Variants in ZNF385B observed in about 807,000 individuals in gnomAD.
The protein encoded by ZNF385B is zinc finger protein 533.
ZNF385B carries 23 observed loss-of-function variants against 39.2 expected under a neutral mutation model. The ratio of observed to expected loss-of-function variants is 0.59; its 90% CI spans 0.42 to 0.83. The LOEUF is 0.83. Ranked by LOEUF, ZNF385B falls within the 40% of genes least tolerant of loss-of-function variation. The pLI, the probability that ZNF385B is intolerant of heterozygous loss-of-function variation, is 0.00. For missense variants in ZNF385B, 552 were observed against 598.9 expected (o/e 0.92, Z 0.82); for synonymous variants, 205 against 222.6 (o/e 0.92, Z 0.70).
chr2:179,629,556 T>C (rs1219548868), intron 3 of ZNF385B, among the ~76,000 whole-genome samples: 1 of 152,182 alleles, frequency 6.6e-6, no homozygotes, highest in East Asian at 1.9e-4. Flanking sequence ...AATTGCAAGA[T>C]GGCCGAAAAG....
At chr2:179,815,192 T>C (rs1706985773) in intron 1 of ZNF385B, among the ~76,000 whole-genome samples, 2 of 152,114 alleles carry the variant, frequency 1.3e-5, no homozygotes, top group African/African-American at 4.8e-5. Flanking sequence ...ACAATGAATG[T>C]CACCAGGATC....
chr2:179,554,523 T>G (rs1028023993), intron 3 of ZNF385B, among the ~76,000 whole-genome samples: 2 of 148,658 alleles, frequency 1.3e-5, no homozygotes, highest in South Asian at 4.3e-4. Context: ...AAACCGAAAA[T>G]AGAAAAACAG....
chr2:179,528,479 TA>T (rs776547672), intron 4 of ZNF385B, among the ~76,000 whole-genome samples: 1 of 152,224 alleles, frequency 6.6e-6, no homozygotes, highest in Non-Finnish European at 1.5e-5. Context: ...ATATGTTGTC[TA>T]AGAGCTAACA....
intron 5 of ZNF385B, among the ~76,000 whole-genome samples, chr2:179,499,716 C>T (rs1391948870): frequency 1.3e-5 from 2 of 151,948 alleles, no homozygotes; most frequent in Non-Finnish European, 2.9e-5. Context: ...AACCTTTCCT[C>T]TAAGATCTGG....
intron 1 of ZNF385B, among the ~76,000 whole-genome samples, chr2:179,815,581 G>C (rs1234262023): frequency 6.6e-6 from 1 of 152,124 alleles, no homozygotes; most frequent in Non-Finnish European, 1.5e-5. Flanking sequence ...TTCTTTACCA[G>C]AGAACAATTC....
intron 1 of ZNF385B, among the ~76,000 whole-genome samples, chr2:179,859,217 A>G (rs962464226): frequency 3.3e-5 from 5 of 152,148 alleles, no homozygotes; most frequent in African/African-American, 1.2e-4. Context: ...ACTAATGACA[A>G]TTCCCTCTCT....
intron 6 of ZNF385B, among the ~76,000 whole-genome samples, chr2:179,451,492 T>C (rs1254998438): frequency 6.6e-6 from 1 of 152,198 alleles, no homozygotes; most frequent in Admixed American, 6.6e-5. Flanking sequence ...GGGCAGACAC[T>C]TTCCTTTTAA....
intron 1 of ZNF385B, among the ~76,000 whole-genome samples, chr2:179,822,764 T>A (rs1256373955): frequency 6.6e-6 from 1 of 152,220 alleles, no homozygotes; most frequent in Non-Finnish European, 1.5e-5. Flanking sequence ...GGAATACCTT[T>A]TTCCATTCTA....
intron 4 of ZNF385B, among the ~76,000 whole-genome samples, chr2:179,537,731 A>G (rs534034174): frequency 1.1e-3 from 161 of 150,672 alleles, no homozygotes; most frequent in African/African-American, 3.7e-3. Flanking sequence ...ACAGAGCAAG[A>G]CTCTGTCTCA....
At chr2:179,580,121 C>CA (rs1005111690) in intron 3 of ZNF385B, among the ~76,000 whole-genome samples, 2 of 152,096 alleles carry the variant, frequency 1.3e-5, no homozygotes. Context: ...AAAATAGAGC[C>CA]ACTGCACCAT....
At chr2:179,760,473 C>T (rs1206574710) in intron 3 of ZNF385B, among the ~76,000 whole-genome samples, 1 of 152,100 alleles carries the variant, frequency 6.6e-6, no homozygotes, top group African/African-American at 2.4e-5. Context: ...GTATAATTCC[C>T]TGAAGATCCA....
intron 1 of ZNF385B, chr2:179,860,840 G>A: frequency 2.2e-6 from 1 of 444,646 alleles, no homozygotes; most frequent in Non-Finnish European, 4.7e-6. Flanking sequence ...GTATGCTCCT[G>A]TGGCTTCCAC....
At chr2:179,789,123 G>T (rs537887202) in intron 1 of ZNF385B, among the ~76,000 whole-genome samples, 2 of 152,048 alleles carry the variant, frequency 1.3e-5, no homozygotes, top group South Asian at 2.1e-4. Flanking sequence ...CCCCATAAAA[G>T]AAGTGGTCGA....
At chr2:179,469,701 T>TA (rs2052519458) in intron 6 of ZNF385B, among the ~76,000 whole-genome samples, 1 of 152,046 alleles carries the variant, frequency 6.6e-6, no homozygotes, top group Non-Finnish European at 1.5e-5. Context: ...CCCTTCTTAG[T>TA]AAAAAACAAG....
intron 3 of ZNF385B, among the ~76,000 whole-genome samples, chr2:179,695,296 G>A (rs886372753): frequency 6.6e-6 from 1 of 151,928 alleles, no homozygotes; most frequent in Non-Finnish European, 1.5e-5. Context: ...TTTTAGATAT[G>A]ATACCAAAAA....
intron 3 of ZNF385B, chr2:179,745,781 A>C: frequency 6.6e-7 from 1 of 1,526,354 alleles, no homozygotes; most frequent in South Asian, 1.3e-5. Flanking sequence ...CAAGTTGGAT[A>C]AACAAAACTT....
intron 3 of ZNF385B, among the ~76,000 whole-genome samples, chr2:179,693,005 T>C (rs1033971014): frequency 6.6e-6 from 1 of 152,208 alleles, no homozygotes; most frequent in African/African-American, 2.4e-5. Context: ...TCCTGGAAGT[T>C]TGTTAGAAAA....
intron 5 of ZNF385B, among the ~76,000 whole-genome samples, chr2:179,512,368 A>G (rs578068973): frequency 6.6e-6 from 1 of 152,306 alleles, no homozygotes; most frequent in Non-Finnish European, 1.5e-5. Flanking sequence ...GATTTTGTGT[A>G]AGAATCACTT....
At chr2:179,780,519 T>C (rs1704604108) in intron 1 of ZNF385B, among the ~76,000 whole-genome samples, 1 of 152,214 alleles carries the variant, frequency 6.6e-6, no homozygotes. Flanking sequence ...TTTTCTGTTT[T>C]CCACATTCCA....
Sources: allele counts gnomAD v4.1 joint callset (sites outside exome capture counted in the v4.1 genomes callset), GRCh38; gene constraint gnomAD v4.1.1; transcripts MANE v1.5; gene names NCBI Gene and HGNC (gene_info 2026-07-23, HGNC 2026-07-21).